The following GRIK4 variants were observed in gnomAD, a reference collection of about 807,000 sequenced individuals.
The protein encoded by GRIK4 is glutamate receptor ionotropic, kainate 4.
In GRIK4, 40 loss-of-function variants were observed where a neutral mutation model predicts 104.9. That is an observed-to-expected ratio of 0.38 (90% confidence interval 0.30 to 0.50). The LOEUF (loss-of-function observed/expected upper bound fraction) is 0.50. Among genes scored for constraint, GRIK4 ranks in the 20% least tolerant of loss-of-function variants. The probability of loss-of-function intolerance (pLI) is 0.93; values close to 1 mark genes in which losing one functional copy is unlikely to be tolerated. For synonymous variants in GRIK4, 485 were observed against 524.9 expected, an observed-to-expected ratio of 0.92 and a Z score of 1.04; for missense variants, 1,047 against 1,308.1, an observed-to-expected ratio of 0.80 and a Z score of 3.08.
rs140910143 is a variant in GRIK4, at chr11:120,849,630, G to T, written c.745-12329G>T. On this transcript the variant is annotated intron_variant, in intron 8 of 20. Coordinates refer to ENST00000527524, the MANE Select transcript of GRIK4 (RefSeq NM_014619.5). Reference sequence around the variant, plus strand: ...AACCCTCAAAATAACACTGCAAAGTGGGTGTTCCAATTCTACACAGTATGA... The same window carrying T: ...AACCCTCAAAATAACACTGCAAAGTTGGTGTTCCAATTCTACACAGTATGA... 5.3e-5 allele frequency among the ~76,000 whole-genome samples: 8 copies of T among 152,302 alleles called. 2 individuals carry two copies. The highest frequency in any genetic ancestry group is 1.9e-4 in the African/African-American group (8 of 41,564).
chr11:120,536,646 A>T (rs1947979310), intron 1 of GRIK4, among the ~76,000 whole-genome samples: 1 of 151,990 alleles, frequency 6.6e-6, no homozygotes, highest in Non-Finnish European at 1.5e-5. Flanking sequence ...GTTCTGGTTG[A>T]CGTATGTATT....
intron 3 of GRIK4, among the ~76,000 whole-genome samples, chr11:120,740,150 T>G (rs765107084): frequency 6.6e-6 from 1 of 151,498 alleles, no homozygotes; most frequent in Non-Finnish European, 1.5e-5. Flanking sequence ...TTGACTCTCC[T>G]TCCCTTCTGA....
In GRIK4 at chr11:120,784,727, C is replaced by T. The variant is rs1307387961; in HGVS notation, c.83-17966C>T. On this transcript the variant is annotated intron_variant, in intron 3 of 20. Transcript: ENST00000527524. ...AGTGGATTCTTGAGATGGCACCTTC[C>T]AGCTGCCCCGCTGAGCTTGAGTTTC... Among the ~76,000 whole-genome samples the T allele has an allele frequency of 2.0e-5, 3 of 152,034 alleles. No individual in the cohort carries two copies. In the East Asian group the frequency reaches 5.8e-4, roughly 29 times the overall value.
intron 1 of GRIK4, among the ~76,000 whole-genome samples, chr11:120,578,940 G>C (rs866859094): frequency 6.6e-6 from 1 of 152,206 alleles, no homozygotes; most frequent in Non-Finnish European, 1.5e-5. Flanking sequence ...CAGAAGTTGC[G>C]GGTTAAGTAG....
At chr11:120,590,142 T>C (rs577626235) in intron 1 of GRIK4, among the ~76,000 whole-genome samples, 2 of 152,298 alleles carry the variant, frequency 1.3e-5, no homozygotes, top group East Asian at 3.9e-4. Context: ...TCTTTCTCTT[T>C]AGTGTTTCAA....
chr11:120,931,141 G>A lies in GRIK4; in HGVS notation c.1477-9206G>A, dbSNP rs184004611. Among the ~76,000 whole-genome samples the A allele has an allele frequency of 2.0e-5, 3 of 152,344 alleles. No individual in the cohort carries two copies. The East Asian group carries it at 5.8e-4, about 29-fold the overall frequency. The stretch of plus-strand genomic sequence containing the variant: ...TATCACAGCTATCTAAGGTCACACT[G>A]TTAGTAACTGGCAGGGCGAGGACTT... On this transcript the variant is annotated intron_variant, in intron 13 of 20. Transcript: ENST00000527524.
intron 9 of GRIK4, chr11:120,868,445 C>G (rs1012481992): frequency 6.8e-6 from 1 of 146,526 alleles, no homozygotes; most frequent in Non-Finnish European, 1.5e-5. Context: ...AAGCGAGAGG[C>G]GTGCACACAC....
chr11:120,856,038 C>T (rs1335661169), intron 8 of GRIK4, among the ~76,000 whole-genome samples: 2 of 152,182 alleles, frequency 1.3e-5, no homozygotes, highest in African/African-American at 2.4e-5. Context: ...GGCAGTGCAC[C>T]CACTTTGGTG....
intron 19 of GRIK4, among the ~76,000 whole-genome samples, chr11:120,977,597 C>T (rs147834154): frequency 1.3e-5 from 2 of 152,196 alleles, no homozygotes; most frequent in Admixed American, 6.5e-5. Flanking sequence ...CCTCAAGGCA[C>T]GAATGGTATA....
chr11:120,809,951 G>A (rs1406295405), intron 4 of GRIK4, among the ~76,000 whole-genome samples: 1 of 152,170 alleles, frequency 6.6e-6, no homozygotes, highest in Non-Finnish European at 1.5e-5. Context: ...TGTAGTCCCA[G>A]CTACTCAGGA....
At chr11:120,949,782 G>A (rs1943954232) in intron 14 of GRIK4, among the ~76,000 whole-genome samples, 2 of 152,330 alleles carry the variant, frequency 1.3e-5, no homozygotes, top group Non-Finnish European at 1.5e-5. Flanking sequence ...TGATGAATGA[G>A]CACCAGAGAA....
At chr11:120,575,513 A>C (rs1399839501) in intron 1 of GRIK4, among the ~76,000 whole-genome samples, 10 of 152,112 alleles carry the variant, frequency 6.6e-5, no homozygotes, top group Non-Finnish European at 1.3e-4. Context: ...TCCACTGTGC[A>C]TCTGGGCAGG....
At chr11:120,566,436 A>G (rs1948324036) in intron 1 of GRIK4, among the ~76,000 whole-genome samples, 1 of 152,226 alleles carries the variant, frequency 6.6e-6, no homozygotes, top group African/African-American at 2.4e-5. Context: ...AGACTATTTA[A>G]GGTGATTGCC....
chr11:120,802,593 G>T, intron 3 of GRIK4, 100 bp from the exon 4 acceptor site: 1 of 1,019,414 alleles, frequency 9.8e-7, no homozygotes, highest in Non-Finnish European at 1.5e-6. Flanking sequence ...TTGGGGTGCT[G>T]CCTGGAAGAG....
chr11:120,863,128 G>A lies in GRIK4; in HGVS notation c.906+1008G>A, dbSNP rs148453012. ...TCTAGGACTGTCATTTCCTTGCCAC[G>A]CTGTACTGTAATTGAGCCTGGCTAG... On this transcript the variant is annotated intron_variant, in intron 9 of 20. Transcript: ENST00000527524. Among the ~76,000 whole-genome samples the A allele has an allele frequency of 2.0e-3, 304 of 152,276 alleles. 1 individual carries two copies. Among genetic ancestry groups the A allele is most frequent in the African/African-American group, 5.2e-3 (218 of 41,548 alleles).
intron 20 of GRIK4, among the ~76,000 whole-genome samples, chr11:120,982,886 A>T (rs1944675365): frequency 6.6e-6 from 1 of 152,176 alleles, no homozygotes; most frequent in South Asian, 2.1e-4. Context: ...CTGGCCTCAC[A>T]TGGGGCCTTA....
At chr11:120,744,088 G>A (rs931925445) in intron 3 of GRIK4, among the ~76,000 whole-genome samples, 3 of 152,148 alleles carry the variant, frequency 2.0e-5, no homozygotes, top group African/African-American at 7.2e-5. Flanking sequence ...CGGCACCCCG[G>A]TCTCTCTCAT....
chr11:120,666,417 C>T (rs917041001), intron 3 of GRIK4, among the ~76,000 whole-genome samples: 9 of 152,210 alleles, frequency 5.9e-5, no homozygotes, highest in Non-Finnish European at 1.2e-4. Context: ...ATCTGAATGC[C>T]ACCAGGGGCC....
At chr11:120,750,009 C>G (rs570156010) in intron 3 of GRIK4, among the ~76,000 whole-genome samples, 3 of 152,136 alleles carry the variant, frequency 2.0e-5, no homozygotes, top group Admixed American at 2.0e-4. Flanking sequence ...GGTAGAAAAT[C>G]CAATTTTAGC....
Sources: gnomAD v4.1 joint callset for allele counts (sites outside exome capture counted in the v4.1 genomes callset) on GRCh38, gnomAD v4.1.1 for gene constraint, MANE v1.5 for transcripts, NCBI Gene and HGNC (gene_info 2026-07-23, HGNC 2026-07-21) for gene names.